The following NUP43 variants were observed in gnomAD, a reference collection of about 807,000 sequenced individuals.
NUP43 encodes nucleoporin 43, also known as nucleoporin Nup43.
In NUP43, 32 loss-of-function variants were observed where a neutral mutation model predicts 47.3. The ratio of observed to expected loss-of-function variants is 0.68; its 90% CI spans 0.51 to 0.91. The LOEUF is 0.91. Ranked by LOEUF, NUP43 falls within the 40% of genes least tolerant of loss-of-function variation. The probability of loss-of-function intolerance (pLI) is 0.00; values close to 1 mark genes in which losing one functional copy is unlikely to be tolerated. For synonymous variants in NUP43, 147 were observed against 158.4 expected (o/e 0.93, Z 0.54); for missense variants, 444 against 453.9 (o/e 0.98, Z 0.20).
At chr6:149,740,042 C>A (rs1304524060) in intron 4 of NUP43, among the ~76,000 whole-genome samples, 1 of 151,924 alleles carries the variant, frequency 6.6e-6, no homozygotes, top group Non-Finnish European at 1.5e-5. Context: ...CTCAGCACTT[C>A]GGGAGGCCGA....
At chr6:149,742,130 G>A (rs779510188) in intron 4 of NUP43, among the ~76,000 whole-genome samples, 8 of 151,974 alleles carry the variant, frequency 5.3e-5, no homozygotes, top group Non-Finnish European at 8.8e-5. Context: ...AGGTTCAAGC[G>A]ATTCTCCTGC....
chr6:149,736,384 G>T, intron 6 of NUP43, 87 bp downstream of exon 6: 1 of 861,430 alleles, frequency 1.2e-6, no homozygotes, highest in Non-Finnish European at 1.7e-6. Flanking sequence ...GATGTAAAAT[G>T]ATCCACATGT....
chr6:149,727,371 A>G (rs1310719471), intron 7 of NUP43, 173 bp from the exon 8 acceptor site: 2 of 983,382 alleles, frequency 2.0e-6, no homozygotes, highest in African/African-American at 1.7e-5. Context: ...AGGCTTATTC[A>G]GTGATATTAA....
At chr6:149,745,130 A>G (rs1785901585) in intron 2 of NUP43, among the ~76,000 whole-genome samples, 1 of 150,680 alleles carries the variant, frequency 6.6e-6, no homozygotes, top group Non-Finnish European at 1.5e-5. Context: ...GCCGGGCGCC[A>G]TGGCTCACTC....
chr6:149,746,807 CAG>C, upstream of NUP43: 1 of 873,260 alleles, frequency 1.1e-6, no homozygotes, highest in Non-Finnish European at 1.6e-6. Context: ...AGTGCAAAAA[CAG>C]AACAAAAACA....
Position 149,743,651 on chromosome 6 carries a change from T to C in NUP43, c.308A>G (p.His103Arg). The C allele has an allele frequency of 1.2e-6, 2 of 1,600,118 alleles. No individual in the cohort carries two copies. The highest frequency in any genetic ancestry group is 1.7e-6 in the Non-Finnish European group (2 of 1,170,162). ...AAAGTTCTTTACCTGGTTATTTGGATGGTGAAGGAAAACTGTTACACATCC... is the reference window on the plus strand; with the variant it reads ...AAAGTTCTTTACCTGGTTATTTGGACGGTGAAGGAAAACTGTTACACATCC... ...STGCVTVFLH[H>R]PNNQTLSVNQ... Residue 103 changes from histidine (H) to arginine (R), a missense_variant, in exon 3 of 8, where the codon CAT (histidine) becomes CGT (arginine). His to Arg is a conservative substitution (Grantham distance 29). Coordinates refer to ENST00000340413, the MANE Select transcript of NUP43 (RefSeq NM_198887.3).
At chr6:149,745,045 C>G (rs933321573) in intron 2 of NUP43, among the ~76,000 whole-genome samples, 1 of 150,870 alleles carries the variant, frequency 6.6e-6, no homozygotes, top group Non-Finnish European at 1.5e-5. Flanking sequence ...GGATTACAAG[C>G]GCGCACCAGG....
intron 6 of NUP43, among the ~76,000 whole-genome samples, chr6:149,735,719 C>T (rs577156013): frequency 4.4e-4 from 66 of 150,596 alleles, no homozygotes; most frequent in Non-Finnish European, 7.4e-4. Flanking sequence ...TACCTGTAAT[C>T]TCAGCACTTC....
chr6:149,734,075 C>CAA (rs1785196179), intron 6 of NUP43, among the ~76,000 whole-genome samples: 2 of 151,804 alleles, frequency 1.3e-5, no homozygotes, highest in Admixed American at 6.6e-5. Context: ...CCACCTGCCT[C>CAA]GGCCTCCCAA....
chr6:149,746,665 A>C (rs1016865250), upstream of NUP43: 1 of 1,556,894 alleles, frequency 6.4e-7, no homozygotes, highest in Non-Finnish European at 8.7e-7. Flanking sequence ...ACCTAGACTG[A>C]GAGGCCCACC....
intron 6 of NUP43, among the ~76,000 whole-genome samples, chr6:149,733,831 GT>G (rs539334750): frequency 3.4e-5 from 5 of 145,676 alleles, no homozygotes; most frequent in African/African-American, 5.1e-5. Context: ...GTTTTGTTTT[GT>G]TTTTTTTTTG....
Position 149,726,749 on chromosome 6 carries a change from C to A in NUP43, c.*220G>T. The A allele has an allele frequency of 1.8e-6, 1 of 545,910 alleles. No individual in the cohort carries two copies. Among genetic ancestry groups the A allele is most frequent in the Non-Finnish European group, 3.3e-6 (1 of 304,364 alleles). 33.8% of individuals were successfully genotyped at this position (545,910 alleles called of 1,614,324 possible). A position where few individuals can be genotyped will look rare whatever the true frequency, so the allele number is the denominator to read the frequency against. ...CACCAGAATCCCACTGATTTTCTTC[C>A]ACATGTTCACAATCTTTTGCCATCA... On this transcript the variant is annotated 3_prime_UTR_variant, in exon 8 of 8. Transcript: ENST00000340413.
intron 1 of NUP43, 33 bp downstream of exon 1, chr6:149,746,343 G>A: frequency 6.2e-7 from 1 of 1,608,172 alleles, no homozygotes; most frequent in Non-Finnish European, 8.5e-7. Flanking sequence ...AGAGAGGGAG[G>A]AGGTAGGGGC....
At position 149,725,707 on chromosome 6, in the gene NUP43, C is replaced by T. The variant is rs879060253; in HGVS notation, c.*1262G>A. 6.6e-6 allele frequency: 1 copy of T among 152,132 alleles called. No individual in the cohort carries two copies. Among genetic ancestry groups the T allele is most frequent in the South Asian group, 2.1e-4 (1 of 4,830 alleles). The allele number at this position is 152,132 out of a possible 1,614,324, so 9.4% of individuals were successfully genotyped here. A position where few individuals can be genotyped will look rare whatever the true frequency, so the allele number is the denominator to read the frequency against. On this transcript the variant is annotated 3_prime_UTR_variant, in exon 8 of 8. Coordinates refer to ENST00000340413, the MANE Select transcript of NUP43 (RefSeq NM_198887.3). ...CAATTGTCTAATAGCAGTGATTTGT[C>T]ATTAAGGTCTCAGGTCAATAATACA...
intron 2 of NUP43, 45 bp from the exon 3 acceptor site, chr6:149,743,760 A>G (rs771961674): frequency 4.2e-6 from 5 of 1,199,850 alleles, no homozygotes; most frequent in South Asian, 3.8e-5. Context: ...AAATATTAGC[A>G]GGGAGGAAGT....
chr6:149,740,222 G>C (rs1785572066), intron 4 of NUP43, among the ~76,000 whole-genome samples: 1 of 141,034 alleles, frequency 7.1e-6, no homozygotes, highest in South Asian at 2.2e-4. Flanking sequence ...GTTGCAATGA[G>C]CTGGGATCAT....
In NUP43 at chr6:149,742,585, T is replaced by C. The variant is rs748418297; in HGVS notation, c.322-15A>G. ...ACTGACAGAGTCTAGGCATCAGAAA[T>C]GAGGATACTATTAAAGCAAAGTACT... On this transcript the variant is annotated splice_polypyrimidine_tract_variant and intron_variant, in intron 3 of 7. Transcript: ENST00000340413. The C allele has an allele frequency of 3.8e-5, 61 of 1,608,426 alleles. No homozygotes were observed. Among genetic ancestry groups the C allele is most frequent in the Non-Finnish European group, 4.8e-5 (57 of 1,175,562 alleles).
chr6:149,727,522 A>T (rs985713267), intron 7 of NUP43: 13 of 984,822 alleles, frequency 1.3e-5, no homozygotes, highest in Non-Finnish European at 1.6e-5. Context: ...AAGTTGAATA[A>T]GGAAAGAAAA....
intron 5 of NUP43, among the ~76,000 whole-genome samples, 157 bp from the exon 6 acceptor site, chr6:149,736,779 C>T (rs868792879): frequency 7.2e-5 from 11 of 152,306 alleles, no homozygotes; most frequent in Middle Eastern, 3.4e-3. Context: ...GGCTCAAACT[C>T]CCTGGGCTCA....
Sources: gnomAD v4.1 joint callset for allele counts (sites outside exome capture counted in the v4.1 genomes callset) on GRCh38, gnomAD v4.1.1 for gene constraint, MANE v1.5 for transcripts, NCBI Gene and HGNC (gene_info 2026-07-23, HGNC 2026-07-21) for gene names.